Variants in AVEN observed in about 807,000 individuals in gnomAD.
The protein encoded by AVEN is apoptosis and caspase activation inhibitor, also known as cell death regulator Aven.
A neutral mutation model predicts 38.1 loss-of-function variants in AVEN; 41 were observed. The ratio of observed to expected loss-of-function variants is 1.08; its 90% CI spans 0.84 to 1.40. The LOEUF is 1.40. Among genes scored for constraint, AVEN ranks in the 40% most tolerant of loss-of-function variants. The probability of loss-of-function intolerance (pLI) is 0.00; values close to 1 mark genes in which losing one functional copy is unlikely to be tolerated. For synonymous variants in AVEN, 206 were observed against 171.8 expected (o/e 1.20, Z -1.56); for missense variants, 605 against 438.8 (o/e 1.38, Z -3.38).
intron 2 of AVEN, among the ~76,000 whole-genome samples, chr15:33,965,868 A>C (rs1248807049): frequency 6.6e-6 from 1 of 152,082 alleles, no homozygotes; most frequent in Non-Finnish European, 1.5e-5. Flanking sequence ...CATGTAGACA[A>C]CTCCTTGCTT....
chr15:33,959,520 C>A (rs966680524), intron 2 of AVEN, among the ~76,000 whole-genome samples: 1 of 152,140 alleles, frequency 6.6e-6, no homozygotes, highest in Admixed American at 6.5e-5. Context: ...GAGCACCACA[C>A]TCTTGAACCC....
chr15:33,950,375 T>C (rs898618843), intron 2 of AVEN, among the ~76,000 whole-genome samples: 1 of 152,224 alleles, frequency 6.6e-6, no homozygotes, highest in African/African-American at 2.4e-5. Flanking sequence ...CAACCATGTG[T>C]AGTGAAAGGT....
intron 4 of AVEN, chr15:34,064,028 G>C: frequency 6.2e-7 from 1 of 1,614,202 alleles, no homozygotes; most frequent in Non-Finnish European, 8.5e-7. Context: ...TAGTCAAAGA[G>C]AGGAAAGCAG....
rs1431021119 is a variant in AVEN at position 34,053,422 on chromosome 15, C to T, written n.1637+9500G>A. 2.7e-5 allele frequency among the ~76,000 whole-genome samples: 4 copies of T among 149,238 alleles called. No homozygotes were observed. In the East Asian group the frequency reaches 5.9e-4, roughly 22 times the overall value. ...CTGGAGGTGTCGTGCTACCTACTTC[C>T]AAACTGTACTACAAGGCTACAGTAA... On this transcript the variant is annotated intron_variant and non_coding_transcript_variant, in intron 5 of 11. Coordinates refer to the AVEN transcript ENST00000675287.
At chr15:33,935,443 A>G (rs1038848548) in intron 2 of AVEN, among the ~76,000 whole-genome samples, 6 of 152,066 alleles carry the variant, frequency 3.9e-5, no homozygotes, top group Non-Finnish European at 8.8e-5. Context: ...TCAATTAAAT[A>G]TTGTTGCATT....
At chr15:34,018,937 T>C (rs1214740879) in intron 1 of AVEN, among the ~76,000 whole-genome samples, 2 of 152,102 alleles carry the variant, frequency 1.3e-5, no homozygotes, top group Non-Finnish European at 2.9e-5. Context: ...TTGGTGTTTT[T>C]TACAATCCTT....
intron 2 of AVEN, among the ~76,000 whole-genome samples, chr15:33,930,483 A>G (rs952889998): frequency 2.0e-5 from 3 of 152,264 alleles, no homozygotes; most frequent in Non-Finnish European, 4.4e-5. Flanking sequence ...AAATACTCAT[A>G]AATTGTAATC....
intron 2 of AVEN, among the ~76,000 whole-genome samples, chr15:33,988,447 C>A (rs778359240): frequency 1.0e-3 from 154 of 152,252 alleles, no homozygotes; most frequent in Non-Finnish European, 1.4e-3. Context: ...ATGAAACCTA[C>A]CCTATTAAGT....
intron 2 of AVEN, among the ~76,000 whole-genome samples, chr15:33,895,076 C>T (rs747729377): frequency 2.7e-4 from 41 of 151,954 alleles, no homozygotes; most frequent in Non-Finnish European, 1.5e-5. Flanking sequence ...TCCTCTAGTG[C>T]TTAGTGTCAT....
intron 5 of AVEN, among the ~76,000 whole-genome samples, chr15:34,052,880 T>C (rs1899978957): frequency 6.6e-6 from 1 of 152,082 alleles, no homozygotes; most frequent in African/African-American, 2.4e-5. Context: ...CCCATGCTCA[T>C]GGATAGGAAG....
intron 1 of AVEN, among the ~76,000 whole-genome samples, chr15:34,007,897 T>A (rs1409954439): frequency 6.6e-6 from 1 of 152,188 alleles, no homozygotes; most frequent in African/African-American, 2.4e-5. Context: ...CATTTTCACA[T>A]GGCATTTTCT....
intron 2 of AVEN, among the ~76,000 whole-genome samples, chr15:33,993,669 C>T (rs74007656): frequency 0.023 from 3,559 of 152,178 alleles, 128 homozygotes; most frequent in African/African-American, 0.08. Context: ...ACATAAATAA[C>T]AATCATCCAG....
intron 2 of AVEN, among the ~76,000 whole-genome samples, chr15:33,963,993 T>A (rs1266886489): frequency 6.6e-6 from 1 of 151,826 alleles, no homozygotes; most frequent in East Asian, 1.9e-4. Flanking sequence ...CTCCAGTCAT[T>A]AGGATCTAAA....
intron 5 of AVEN, among the ~76,000 whole-genome samples, chr15:34,058,404 G>A (rs1002800137): frequency 3.3e-5 from 5 of 151,922 alleles, no homozygotes; most frequent in Admixed American, 3.3e-4. Flanking sequence ...AATCAAAATG[G>A]AGCCACCCAT....
downstream of AVEN, chr15:33,861,316 C>G: frequency 1.7e-6 from 1 of 584,770 alleles, no homozygotes; most frequent in Non-Finnish European, 3.1e-6. Flanking sequence ...GTACCTTTGT[C>G]CATAGACTCT....
At chr15:34,019,085 A>C (rs1470887666) in intron 1 of AVEN, among the ~76,000 whole-genome samples, 1 of 152,078 alleles carries the variant, frequency 6.6e-6, no homozygotes, top group African/African-American at 2.4e-5. Flanking sequence ...TCCTTTAGCT[A>C]GACACAGAGT....
chr15:33,996,734 C>T (rs1896952433), intron 2 of AVEN, among the ~76,000 whole-genome samples: 2 of 152,240 alleles, frequency 1.3e-5, no homozygotes, highest in Admixed American at 1.3e-4. Context: ...GTAGATAAAA[C>T]CACAAAGATG....
At chr15:33,939,826 G>A (rs953645913) in intron 2 of AVEN, among the ~76,000 whole-genome samples, 3 of 152,200 alleles carry the variant, frequency 2.0e-5, no homozygotes, top group African/African-American at 7.2e-5. Context: ...AGGATTAGAA[G>A]AAGTCATGAG....
rs1381411256 is a variant in AVEN, at chr15:34,073,986, C to CTTTT, written n.720+449_720+450insAAAA. Among the ~76,000 whole-genome samples, 110 of 112,166 alleles carry CTTTT rather than the reference C, an allele frequency of 9.8e-4. 24 individuals carry two copies. Among genetic ancestry groups the CTTTT allele is most frequent in the African/African-American group, 3.7e-3 (90 of 24,254 alleles). 73.6% of individuals were successfully genotyped at this position (112,166 alleles called of 152,430 possible). On this transcript the variant is annotated intron_variant and non_coding_transcript_variant, in intron 1 of 11. Transcript: ENST00000675287. ...TGGAGGAACTTTCTTTTTTCTTCTT[C>CTTTT]TTCTTTTTTTTTTTTTTTTTTTTTT...
Sources: gnomAD v4.1 joint callset for allele counts (sites outside exome capture counted in the v4.1 genomes callset) on GRCh38, gnomAD v4.1.1 for gene constraint, MANE v1.5 for transcripts, NCBI Gene and HGNC (gene_info 2026-07-23, HGNC 2026-07-21) for gene names.